The following GALNTL6 variants were observed in gnomAD, a reference collection of about 807,000 sequenced individuals.
GALNTL6 encodes the protein polypeptide N-acetylgalactosaminyltransferase like 6.
A neutral mutation model predicts 73.7 loss-of-function variants in GALNTL6; 46 were observed. That is an observed-to-expected ratio of 0.62 (90% confidence interval 0.49 to 0.80). The LOEUF (loss-of-function observed/expected upper bound fraction) is 0.80. GALNTL6 is among the 30% of genes least tolerant of loss of function. The pLI is 0.00. For synonymous variants in GALNTL6, 259 were observed against 263.7 expected, an observed-to-expected ratio of 0.98 and a Z score of 0.17; for missense variants, 604 against 755.0, an observed-to-expected ratio of 0.80 and a Z score of 2.34.
At chr4:172,778,397 AG>A (rs1739186937) in intron 5 of GALNTL6, among the ~76,000 whole-genome samples, 1 of 152,262 alleles carries the variant, frequency 6.6e-6, no homozygotes, top group African/African-American at 2.4e-5. Context: ...ACAAGATTTA[AG>A]TCTGGAGCTG....
At chr4:172,140,435 A>T (rs1733769819) in intron 2 of GALNTL6, among the ~76,000 whole-genome samples, 2 of 152,070 alleles carry the variant, frequency 1.3e-5, no homozygotes, top group African/African-American at 4.8e-5. Flanking sequence ...TTTAACAAAC[A>T]TCTATATAGC....
intron 5 of GALNTL6, among the ~76,000 whole-genome samples, chr4:172,525,958 TA>T (rs1327602944): frequency 2.0e-5 from 3 of 152,250 alleles, no homozygotes; most frequent in Non-Finnish European, 2.9e-5. Context: ...TTTATTTCTT[TA>T]TTTTAAGTTC....
intron 5 of GALNTL6, among the ~76,000 whole-genome samples, chr4:172,616,180 C>T (rs983817747): frequency 1.5e-4 from 23 of 152,268 alleles, no homozygotes; most frequent in Non-Finnish European, 3.2e-4. Flanking sequence ...CAATGGATCT[C>T]ATTTGAAAAG....
At chr4:171,877,326 C>A (rs1399628759) in intron 2 of GALNTL6, among the ~76,000 whole-genome samples, 1 of 152,158 alleles carries the variant, frequency 6.6e-6, no homozygotes. Flanking sequence ...GCAGCCCTAT[C>A]TTAAATGCCA....
intron 7 of GALNTL6, among the ~76,000 whole-genome samples, chr4:172,859,972 A>G (rs1420171381): frequency 6.6e-6 from 1 of 152,218 alleles, no homozygotes; most frequent in Non-Finnish European, 1.5e-5. Context: ...GGTGAGCCGT[A>G]TAATTATTTC....
intron 2 of GALNTL6, among the ~76,000 whole-genome samples, chr4:171,946,943 A>G (rs1478610563): frequency 6.6e-6 from 1 of 152,086 alleles, no homozygotes; most frequent in Non-Finnish European, 1.5e-5. Context: ...CTTCTAAACA[A>G]GGAAGTGAAA....
At chr4:171,973,615 G>A (rs1739633962) in intron 2 of GALNTL6, among the ~76,000 whole-genome samples, 1 of 152,100 alleles carries the variant, frequency 6.6e-6, no homozygotes, top group South Asian at 2.1e-4. Flanking sequence ...GACTGTATCT[G>A]CAATGAACCC....
At chr4:172,345,347 T>A (rs1741704653) in intron 4 of GALNTL6, among the ~76,000 whole-genome samples, 1 of 152,158 alleles carries the variant, frequency 6.6e-6, no homozygotes, top group Admixed American at 6.5e-5. Flanking sequence ...ATGTTACTAC[T>A]AATAATCAAC....
intron 2 of GALNTL6, among the ~76,000 whole-genome samples, chr4:172,178,788 A>G (rs1386520101): frequency 9.0e-6 from 1 of 111,482 alleles, no homozygotes; most frequent in African/African-American, 3.6e-5. Flanking sequence ...TATATCTCCC[A>G]ATGCTATCCC....
At chr4:172,063,825 G>A (rs776801517) in intron 2 of GALNTL6, among the ~76,000 whole-genome samples, 10 of 151,896 alleles carry the variant, frequency 6.6e-5, no homozygotes, top group Non-Finnish European at 4.4e-5. Flanking sequence ...TTTTAAATGT[G>A]TGCTTGAAAA....
At chr4:172,570,061 T>G (rs547196231) in intron 5 of GALNTL6, among the ~76,000 whole-genome samples, 2 of 152,308 alleles carry the variant, frequency 1.3e-5, no homozygotes, top group South Asian at 4.1e-4. Flanking sequence ...CTTTGTCAGA[T>G]GTATTTTAGC....
chr4:172,185,475 G>GT (rs1240349925), intron 2 of GALNTL6, among the ~76,000 whole-genome samples: 2 of 152,198 alleles, frequency 1.3e-5, no homozygotes, highest in East Asian at 3.9e-4. Flanking sequence ...CTTCTTTCAG[G>GT]TAATTCCTAA....
In GALNTL6 at chr4:171,952,334, T is replaced by C. The variant is rs188256333; in HGVS notation, c.138+137616T>C. Among the ~76,000 whole-genome samples the C allele has an allele frequency of 3.2e-3, 486 of 152,164 alleles. 2 individuals are homozygous for C. Among genetic ancestry groups the C allele is most frequent in the Non-Finnish European group, 4.1e-3 (278 of 67,904 alleles). On this transcript the variant is annotated intron_variant, in intron 2 of 12. Coordinates refer to ENST00000506823, the MANE Select transcript of GALNTL6 (RefSeq NM_001034845.3). ...CCAAAATTTTCCTAAAGCACTGTTT[T>C]GAAAATTTCACTAAATATTCAAGCA...
intron 5 of GALNTL6, among the ~76,000 whole-genome samples, chr4:172,644,035 C>T (rs1286994518): frequency 3.3e-5 from 5 of 151,768 alleles, no homozygotes; most frequent in Admixed American, 3.3e-4. Flanking sequence ...TCAGTTGTTT[C>T]TTGCCTTCTT....
intron 3 of GALNTL6, among the ~76,000 whole-genome samples, chr4:172,236,372 A>T (rs1314330681): frequency 6.6e-6 from 1 of 152,056 alleles, no homozygotes; most frequent in African/African-American, 2.4e-5. Flanking sequence ...ATGCTGGCTA[A>T]CATGGTGAAA....
At chr4:171,991,436 G>A (rs191143367) in intron 2 of GALNTL6, among the ~76,000 whole-genome samples, 7 of 151,898 alleles carry the variant, frequency 4.6e-5, no homozygotes, top group Admixed American at 2.0e-4. Context: ...TTGAAGTGTC[G>A]TTAACAGAGA....
At chr4:172,931,755 C>A (rs1748352193) in intron 9 of GALNTL6, among the ~76,000 whole-genome samples, 1 of 152,204 alleles carries the variant, frequency 6.6e-6, no homozygotes, top group African/African-American at 2.4e-5. Flanking sequence ...AGCTCTGCCT[C>A]AAATTTTGCC....
At chr4:171,932,318 C>T (rs1246411149) in intron 2 of GALNTL6, among the ~76,000 whole-genome samples, 2 of 152,196 alleles carry the variant, frequency 1.3e-5, no homozygotes, top group African/African-American at 2.4e-5. Flanking sequence ...AGTTACAATA[C>T]ATAACCTGGT....
At chr4:172,397,534 A>C (rs1018204807) in intron 5 of GALNTL6, among the ~76,000 whole-genome samples, 1 of 151,170 alleles carries the variant, frequency 6.6e-6, no homozygotes, top group African/African-American at 2.4e-5. Context: ...AATGGATTTA[A>C]CTCTCCTAGA....
Sources: gnomAD v4.1 joint callset for allele counts (sites outside exome capture counted in the v4.1 genomes callset) on GRCh38, gnomAD v4.1.1 for gene constraint, MANE v1.5 for transcripts, NCBI Gene and HGNC (gene_info 2026-07-23, HGNC 2026-07-21) for gene names.